DOCK2: variants seen among roughly 807,000 people sequenced by gnomAD.
DOCK2 encodes dedicator of cytokinesis protein 2.
In DOCK2, 87 loss-of-function variants were observed where a neutral mutation model predicts 248.9. That is an observed-to-expected ratio of 0.35 (90% CI 0.29 to 0.42). The LOEUF (loss-of-function observed/expected upper bound fraction) is 0.42, where lower values mean the gene tolerates loss of function less well. DOCK2 is among the 10% of genes least tolerant of loss of function. The probability of loss-of-function intolerance (pLI) is 1.00; values close to 1 mark genes in which losing one functional copy is unlikely to be tolerated. For missense variants in DOCK2, 1,747 were observed against 2,300.2 expected, an observed-to-expected ratio of 0.76 and a Z score of 4.92; for synonymous variants, 805 against 821.6, an observed-to-expected ratio of 0.98 and a Z score of 0.35.
At chr5:169,804,421 G>A (rs544262589) in intron 26 of DOCK2, among the ~76,000 whole-genome samples, 6 of 150,772 alleles carry the variant, frequency 4.0e-5, no homozygotes, top group African/African-American at 1.5e-4. Flanking sequence ...GCATATTTGG[G>A]GTACAAGAGC....
intron 30 of DOCK2, among the ~76,000 whole-genome samples, chr5:170,002,069 C>A (rs1367427342): frequency 6.6e-6 from 1 of 152,052 alleles, no homozygotes; most frequent in East Asian, 1.9e-4. Context: ...TGGAAGGCAA[C>A]CTGACAGTAT....
intron 29 of DOCK2, among the ~76,000 whole-genome samples, chr5:169,993,596 T>C (rs1778263515): frequency 6.8e-6 from 1 of 146,500 alleles, no homozygotes; most frequent in South Asian, 2.1e-4. Flanking sequence ...GTGATTCCAG[T>C]GCCAGGATAC....
intron 22 of DOCK2, among the ~76,000 whole-genome samples, chr5:169,735,994 A>G (rs1350611840): frequency 6.6e-6 from 1 of 151,204 alleles, no homozygotes; most frequent in Non-Finnish European, 1.5e-5. Context: ...GTGAGAGAGA[A>G]CCAAGTGGGA....
At position 170,082,899 on chromosome 5, in the gene DOCK2, GA is replaced by G. The variant is rs1758084719; in HGVS notation, c.*42del. ...GGCTGCATGGGAGAGCCAGGGAGGG[GA>G]GTTTCTGGAAGAGGAAAGCCATGCG... On this transcript the variant is annotated 3_prime_UTR_variant, in exon 52 of 52. Coordinates refer to ENST00000520908, the MANE Select transcript of DOCK2 (RefSeq NM_004946.3). The G allele has an allele frequency of 6.2e-7, 1 of 1,613,586 alleles. No homozygotes were observed. Among genetic ancestry groups the G allele is most frequent in the Admixed American group, 1.7e-5 (1 of 60,004 alleles).
chr5:169,943,932 T>C (rs1776344541), intron 27 of DOCK2, among the ~76,000 whole-genome samples: 1 of 152,152 alleles, frequency 6.6e-6, no homozygotes, highest in Non-Finnish European at 1.5e-5. Flanking sequence ...AGTGGGAAAA[T>C]TTAGAAAAGC....
chr5:169,747,512 T>A lies in DOCK2; in HGVS notation c.2376+8T>A. The A allele has an allele frequency of 1.2e-6, 2 of 1,605,196 alleles. No homozygotes were observed. The highest frequency in any genetic ancestry group is 1.7e-6 in the Non-Finnish European group (2 of 1,174,354). On this transcript the variant is annotated splice_region_variant and intron_variant, in intron 23 of 51. Coordinates refer to ENST00000520908, the MANE Select transcript of DOCK2 (RefSeq NM_004946.3). ...ACTACCATCCTTTTGCAGGTTGGTT[T>A]ATGCTACAATAAAATCTATCTTCTC...
At chr5:169,925,425 C>CA (rs1283821718) in intron 27 of DOCK2, among the ~76,000 whole-genome samples, 6 of 151,886 alleles carry the variant, frequency 4.0e-5, no homozygotes, top group Non-Finnish European at 7.4e-5. Flanking sequence ...ACTAAAATTA[C>CA]AAAAATTAAC....
chr5:169,816,266 A>G (rs10076483), intron 26 of DOCK2, among the ~76,000 whole-genome samples: 5,314 of 152,246 alleles, frequency 0.035, 208 homozygotes, highest in African/African-American at 0.091. Context: ...GCCATGTACA[A>G]TCTGAGGGGC....
chr5:169,981,264 T>C (rs1777927119), intron 27 of DOCK2, among the ~76,000 whole-genome samples: 1 of 152,188 alleles, frequency 6.6e-6, no homozygotes, highest in Non-Finnish European at 1.5e-5. Flanking sequence ...GAAACAGTTT[T>C]CCAAAAGGCT....
chr5:170,028,881 T>C (rs1756025215), intron 34 of DOCK2, among the ~76,000 whole-genome samples: 1 of 152,208 alleles, frequency 6.6e-6, no homozygotes, highest in Admixed American at 6.5e-5. Flanking sequence ...TTGTAGCATG[T>C]TTCAGTACTT....
chr5:169,783,786 C>T (rs1357324613), intron 25 of DOCK2, among the ~76,000 whole-genome samples: 1 of 152,152 alleles, frequency 6.6e-6, no homozygotes, highest in Non-Finnish European at 1.5e-5. Context: ...GTTGTTATCA[C>T]TATTTTACAG....
chr5:169,795,284 C>T (rs1437316825), intron 25 of DOCK2, among the ~76,000 whole-genome samples: 1 of 152,136 alleles, frequency 6.6e-6, no homozygotes, highest in Admixed American at 6.5e-5. Context: ...TATTTTCTCC[C>T]TTCTAAGATA....
rs192404549 is a variant in DOCK2, at chr5:169,752,832, C to T, written c.2376+5328C>T. On this transcript the variant is annotated intron_variant, in intron 23 of 51. Coordinates refer to ENST00000520908, the MANE Select transcript of DOCK2 (RefSeq NM_004946.3). ...CTGTAATCCCAGCACTTTGGGAGAC[C>T]GAGGAGGGTGGATCACAAGGTCTGG... 1.0e-3 allele frequency among the ~76,000 whole-genome samples: 159 copies of T among 152,080 alleles called. 2 individuals carry two copies. The highest frequency in any genetic ancestry group is 6.8e-3 in the Middle Eastern group (2 of 294).
At chr5:169,893,832 G>C (rs1264710976) in intron 27 of DOCK2, among the ~76,000 whole-genome samples, 2 of 152,222 alleles carry the variant, frequency 1.3e-5, no homozygotes, top group East Asian at 3.8e-4. Flanking sequence ...CCACATGGGA[G>C]AGGGATCCAG....
intron 27 of DOCK2, among the ~76,000 whole-genome samples, chr5:169,970,489 G>C (rs1011219396): frequency 1.3e-5 from 2 of 152,192 alleles, no homozygotes; most frequent in African/African-American, 4.8e-5. Context: ...GTGGTGGAGG[G>C]TGATAGAGTC....
chr5:169,835,146 T>C (rs2113306548), intron 26 of DOCK2, among the ~76,000 whole-genome samples: 1 of 152,194 alleles, frequency 6.6e-6, no homozygotes, highest in Middle Eastern at 3.4e-3. Flanking sequence ...CAAAATATTT[T>C]AAGTAATAAA....
chr5:169,654,696 C>G (rs997045199), intron 2 of DOCK2, among the ~76,000 whole-genome samples: 27 of 152,170 alleles, frequency 1.8e-4, no homozygotes, highest in African/African-American at 5.8e-4. Context: ...CTGGGTGGTT[C>G]GATGTTTGTT....
At chr5:169,868,499 C>T (rs1367765826) in intron 27 of DOCK2, among the ~76,000 whole-genome samples, 1 of 152,214 alleles carries the variant, frequency 6.6e-6, no homozygotes, top group Non-Finnish European at 1.5e-5. Context: ...TGGCTCATGC[C>T]TGTAATCCCA....
intron 32 of DOCK2, among the ~76,000 whole-genome samples, chr5:170,013,054 A>G (rs1350239344): frequency 6.6e-6 from 1 of 152,078 alleles, no homozygotes; most frequent in East Asian, 1.9e-4. Flanking sequence ...AGTTCAGGCC[A>G]AAAGGGATAT....
Sources: gnomAD v4.1 joint callset for allele counts (sites outside exome capture counted in the v4.1 genomes callset) on GRCh38, gnomAD v4.1.1 for gene constraint, MANE v1.5 for transcripts, NCBI Gene and HGNC (gene_info 2026-07-23, HGNC 2026-07-21) for gene names.